The following GTF2B variants were observed in gnomAD, a reference collection of about 807,000 sequenced individuals.
GTF2B encodes general transcription factor IIB, also known as transcription initiation factor IIB.
In GTF2B, 20 loss-of-function variants were observed where a neutral mutation model predicts 34.6. That is an observed-to-expected ratio of 0.58 (90% CI 0.41 to 0.84). The LOEUF is 0.84. Among genes scored for constraint, GTF2B ranks in the 40% least tolerant of loss-of-function variants. GTF2B has a pLI of 0.00. For missense variants in GTF2B, 237 were observed against 393.3 expected, an observed-to-expected ratio of 0.60 and a Z score of 3.36; for synonymous variants, 142 against 132.4, an observed-to-expected ratio of 1.07 and a Z score of -0.50.
intron 6 of GTF2B, among the ~76,000 whole-genome samples, chr1:88,855,345 C>G (rs1673277369): frequency 6.7e-6 from 1 of 150,072 alleles, no homozygotes; most frequent in African/African-American, 2.5e-5. Context: ...GCCAGTAATT[C>G]ACTTTCTGTT....
At chr1:88,870,218 G>A (rs1180061179) in intron 2 of GTF2B, among the ~76,000 whole-genome samples, 3 of 152,260 alleles carry the variant, frequency 2.0e-5, no homozygotes, top group African/African-American at 4.8e-5. Context: ...GAGCCACCGC[G>A]CCAGGCTGCC....
intron 2 of GTF2B, among the ~76,000 whole-genome samples, chr1:88,864,882 G>T (rs1673513878): frequency 6.6e-6 from 1 of 152,172 alleles, no homozygotes; most frequent in South Asian, 2.1e-4. Context: ...GCCTTATAAA[G>T]GTAGGTACCA....
intron 3 of GTF2B, 100 bp downstream of exon 3, chr1:88,863,881 T>G (rs1358446801): frequency 2.0e-6 from 2 of 980,620 alleles, no homozygotes; most frequent in Admixed American, 3.8e-5. Flanking sequence ...CAGGTCAAGA[T>G]TCCCCACTGG....
At chr1:88,883,044 C>G (rs980353393) in intron 2 of GTF2B, among the ~76,000 whole-genome samples, 5 of 152,208 alleles carry the variant, frequency 3.3e-5, no homozygotes, top group African/African-American at 1.2e-4. Flanking sequence ...CCTATTTTAA[C>G]TTCTGACACC....
At chr1:88,874,019 A>G (rs1409965055) in intron 2 of GTF2B, among the ~76,000 whole-genome samples, 1 of 152,210 alleles carries the variant, frequency 6.6e-6, no homozygotes, top group East Asian at 1.9e-4. Context: ...GAAGTGAGAA[A>G]GAATGTCCAG....
intron 2 of GTF2B, among the ~76,000 whole-genome samples, chr1:88,868,610 C>G (rs1185984678): frequency 2.0e-5 from 3 of 152,148 alleles, no homozygotes; most frequent in African/African-American, 7.2e-5. Context: ...CTCTATTTTT[C>G]AAGAAGAAAC....
chr1:88,879,562 C>CA (rs1673887429), intron 2 of GTF2B, among the ~76,000 whole-genome samples: 1 of 143,086 alleles, frequency 7.0e-6, no homozygotes. Context: ...CCAGACTGGG[C>CA]AACAGAGTGA....
chr1:88,863,126 A>G (rs984670463), intron 3 of GTF2B, among the ~76,000 whole-genome samples: 2 of 152,218 alleles, frequency 1.3e-5, no homozygotes, highest in African/African-American at 4.8e-5. Context: ...ACACAATGAT[A>G]GCAGCTACCA....
At chr1:88,891,232 C>A (rs1197644537) in intron 1 of GTF2B, among the ~76,000 whole-genome samples, 2 of 152,042 alleles carry the variant, frequency 1.3e-5, no homozygotes, top group Non-Finnish European at 2.9e-5. Flanking sequence ...CACAGTAGCC[C>A]ACCAGGACCC....
chr1:88,871,055 C>G (rs1051046738), intron 2 of GTF2B, among the ~76,000 whole-genome samples: 1 of 152,068 alleles, frequency 6.6e-6, no homozygotes, highest in African/African-American at 2.4e-5. Flanking sequence ...GCGTGTGCCA[C>G]CACGCCTGGC....
chr1:88,891,341 G>A (rs1386414929), intron 1 of GTF2B, 142 bp downstream of exon 1: 1 of 620,766 alleles, frequency 1.6e-6, no homozygotes, highest in African/African-American at 1.9e-5. Context: ...AAGTGCCTTT[G>A]TCCCGGCCCG....
chr1:88,879,344 C>T (rs1030694967), intron 2 of GTF2B, among the ~76,000 whole-genome samples: 3 of 151,866 alleles, frequency 2.0e-5, no homozygotes, highest in African/African-American at 4.8e-5. Flanking sequence ...TTTGGGAAGC[C>T]GAGGTGGGCA....
At chr1:88,859,680 A>G (rs1673392349) in intron 5 of GTF2B, among the ~76,000 whole-genome samples, 2 of 152,212 alleles carry the variant, frequency 1.3e-5, no homozygotes, top group South Asian at 2.1e-4. Flanking sequence ...TACTAAAAAT[A>G]CAAAAGTTAA....
intron 2 of GTF2B, among the ~76,000 whole-genome samples, chr1:88,886,564 C>T (rs1674073148): frequency 6.6e-6 from 1 of 152,098 alleles, no homozygotes; most frequent in East Asian, 1.9e-4. Flanking sequence ...ACTCAAAAAT[C>T]ATGTTTATCT....
At chr1:88,856,068 G>A (rs1296415491) in intron 6 of GTF2B, among the ~76,000 whole-genome samples, 3 of 151,906 alleles carry the variant, frequency 2.0e-5, no homozygotes, top group African/African-American at 4.8e-5. Flanking sequence ...CCAGGAGTTC[G>A]AGACAAGCCT....
At chr1:88,863,327 G>C (rs895168215) in intron 3 of GTF2B, among the ~76,000 whole-genome samples, 1 of 151,714 alleles carries the variant, frequency 6.6e-6, no homozygotes, top group Non-Finnish European at 1.5e-5. Context: ...AAGTGGTATA[G>C]AGAGAAAAGA....
At chr1:88,886,753 T>C (rs1674077222) in intron 2 of GTF2B, among the ~76,000 whole-genome samples, 1 of 152,152 alleles carries the variant, frequency 6.6e-6, no homozygotes, top group Non-Finnish European at 1.5e-5. Flanking sequence ...TATAAAAATA[T>C]ACATTTGGAT....
Position 88,877,924 on chromosome 1 carries a change from C to T in GTF2B, c.124+9337G>A, listed in dbSNP as rs113825130. ...CCTGCCTGGGCGACAGAGCGAGACT[C>T]GGTCTCAAAAACAAAACAAACAAAC... On this transcript the variant is annotated intron_variant, in intron 2 of 6. Transcript: ENST00000370500. Among the ~76,000 whole-genome samples the T allele has an allele frequency of 7.1e-3, 1,087 of 152,214 alleles. 13 individuals are homozygous for T. The highest frequency in any genetic ancestry group is 0.025 in the African/African-American group (1,027 of 41,530).
intron 1 of GTF2B, among the ~76,000 whole-genome samples, chr1:88,888,712 T>C (rs1348818927): frequency 6.6e-6 from 1 of 152,162 alleles, no homozygotes; most frequent in African/African-American, 2.4e-5. Context: ...AAGAATAAGG[T>C]AGAAAACCTA....
Sources: allele counts gnomAD v4.1 joint callset (sites outside exome capture counted in the v4.1 genomes callset), GRCh38; gene constraint gnomAD v4.1.1; transcripts MANE v1.5; gene names NCBI Gene and HGNC (gene_info 2026-07-23, HGNC 2026-07-21).